Variants in EBF1 observed in about 807,000 individuals in gnomAD.
EBF1 encodes EBF transcription factor 1.
In EBF1, 10 loss-of-function variants were observed where a neutral mutation model predicts 68.4. That is an observed-to-expected ratio of 0.15 (90% CI 0.09 to 0.25). The LOEUF (loss-of-function observed/expected upper bound fraction) is 0.25. Among genes scored for constraint, EBF1 ranks in the 10% least tolerant of loss-of-function variants. EBF1 has a pLI of 1.00. For missense variants in EBF1, 509 were observed against 794.4 expected, an observed-to-expected ratio of 0.64 and a Z score of 4.32; for synonymous variants, 298 against 299.8, an observed-to-expected ratio of 0.99 and a Z score of 0.06.
intron 13 of EBF1, 35 bp from the exon 14 acceptor site, chr5:158,712,368 G>T (rs1759578008): frequency 6.2e-7 from 1 of 1,606,950 alleles, no homozygotes; most frequent in Non-Finnish European, 8.5e-7. Context: ...GGTGAGGGTG[G>T]CATTCAGATG....
chr5:158,899,122 A>G (rs888622037), intron 6 of EBF1, among the ~76,000 whole-genome samples: 3 of 152,248 alleles, frequency 2.0e-5, no homozygotes, highest in South Asian at 4.1e-4. Context: ...AAAATTACAT[A>G]TTAAACTATT....
intron 10 of EBF1, among the ~76,000 whole-genome samples, chr5:158,767,449 T>A (rs934232968): frequency 6.6e-6 from 1 of 152,150 alleles, no homozygotes; most frequent in Non-Finnish European, 1.5e-5. Flanking sequence ...CAAGGTAAAG[T>A]AGCATGCCAG....
At chr5:158,727,573 T>C (rs1581372445) in intron 11 of EBF1, among the ~76,000 whole-genome samples, 1 of 152,330 alleles carries the variant, frequency 6.6e-6, no homozygotes, top group East Asian at 1.9e-4. Flanking sequence ...AATGCTGTGA[T>C]TTAAAAACCT....
At chr5:158,878,850 G>C (rs1010796436) in intron 6 of EBF1, among the ~76,000 whole-genome samples, 1 of 151,968 alleles carries the variant, frequency 6.6e-6, no homozygotes, top group Non-Finnish European at 1.5e-5. Context: ...CACCATGTTG[G>C]CCAGGGTGGT....
chr5:158,868,501 A>T (rs541135271), intron 6 of EBF1, among the ~76,000 whole-genome samples: 1 of 152,160 alleles, frequency 6.6e-6, no homozygotes, highest in South Asian at 2.1e-4. Context: ...GTGAATGTCT[A>T]GTTCAAGGAC....
At chr5:158,926,758 AAG>A (rs1809797585) in intron 6 of EBF1, among the ~76,000 whole-genome samples, 1 of 152,014 alleles carries the variant, frequency 6.6e-6, no homozygotes, top group African/African-American at 2.4e-5. Context: ...AAAAAAGAAA[AAG>A]AAAGAAAGAA....
rs186958615 is a variant in EBF1 at position 158,891,113 on chromosome 5, G to T, written c.555-51003C>A. 2.1e-3 allele frequency among the ~76,000 whole-genome samples: 313 copies of T among 152,282 alleles called. 3 individuals are homozygous for T. Among genetic ancestry groups the T allele is most frequent in the African/African-American group, 7.3e-3 (303 of 41,552 alleles). On this transcript the variant is annotated intron_variant, in intron 6 of 15. Coordinates refer to ENST00000313708, the MANE Select transcript of EBF1 (RefSeq NM_024007.5). ...GGTATTGAAGTTCACGATTTCCCAC[G>T]GTACATAATTTAGTTTTGTGTGTGT...
At chr5:158,831,301 G>A (rs1396689511) in intron 7 of EBF1, among the ~76,000 whole-genome samples, 6 of 152,172 alleles carry the variant, frequency 3.9e-5, no homozygotes. Context: ...TCCAGAGTCA[G>A]ATGATCCTGA....
At chr5:158,714,581 C>G (rs1196526352) in intron 11 of EBF1, among the ~76,000 whole-genome samples, 1 of 152,150 alleles carries the variant, frequency 6.6e-6, no homozygotes, top group Admixed American at 6.5e-5. Flanking sequence ...ATGACCTTAT[C>G]AGACAGGTCA....
chr5:158,795,835 CT>C (rs1779524224), intron 9 of EBF1, among the ~76,000 whole-genome samples: 2 of 152,224 alleles, frequency 1.3e-5, no homozygotes, highest in South Asian at 4.2e-4. Flanking sequence ...AGAAAAAGCC[CT>C]TTGTGGTTCT....
At chr5:158,780,187 T>G (rs1776154772) in intron 9 of EBF1, among the ~76,000 whole-genome samples, 1 of 152,232 alleles carries the variant, frequency 6.6e-6, no homozygotes, top group Non-Finnish European at 1.5e-5. Flanking sequence ...AGTGATAGTT[T>G]AAAGCTAATC....
chr5:158,941,532 A>G (rs1411225219), intron 6 of EBF1, among the ~76,000 whole-genome samples: 1 of 152,156 alleles, frequency 6.6e-6, no homozygotes, highest in East Asian at 1.9e-4. Flanking sequence ...TCCAAACTTA[A>G]CTGCTTCTTC....
intron 10 of EBF1, among the ~76,000 whole-genome samples, chr5:158,768,678 T>C (rs1441296844): frequency 9.2e-5 from 14 of 152,126 alleles, no homozygotes; most frequent in Non-Finnish European, 1.5e-5. Flanking sequence ...AGGACTGGCA[T>C]CCACATCACT....
At chr5:158,843,440 C>T (rs1178346138) in intron 6 of EBF1, among the ~76,000 whole-genome samples, 2 of 152,198 alleles carry the variant, frequency 1.3e-5, no homozygotes, top group East Asian at 1.9e-4. Context: ...TGTCAGCAGC[C>T]CATCGTTAGC....
intron 10 of EBF1, among the ~76,000 whole-genome samples, chr5:158,738,578 T>C (rs1361893927): frequency 6.6e-6 from 1 of 152,214 alleles, no homozygotes; most frequent in Admixed American, 6.5e-5. Flanking sequence ...AAGACTCTTT[T>C]TCCAGTAATA....
intron 4 of EBF1, among the ~76,000 whole-genome samples, chr5:159,087,369 CACACATATATAT>C (rs1243776995): frequency 3.6e-5 from 5 of 138,562 alleles, no homozygotes; most frequent in African/African-American, 2.7e-5. Context: ...TATATATATA[CACACATATATAT>C]ACACATATAT....
chr5:158,991,739 A>T (rs1293750927), intron 6 of EBF1, among the ~76,000 whole-genome samples: 1 of 152,222 alleles, frequency 6.6e-6, no homozygotes, highest in Admixed American at 6.5e-5. Flanking sequence ...ATGTTCTTGG[A>T]GGAAATGCAC....
At chr5:158,857,313 C>T (rs1011993737) in intron 6 of EBF1, among the ~76,000 whole-genome samples, 7 of 151,960 alleles carry the variant, frequency 4.6e-5, no homozygotes, top group Admixed American at 4.6e-4. Flanking sequence ...GGGACACTCC[C>T]CTGGCTGTCC....
chr5:159,073,467 A>G lies in EBF1; in HGVS notation c.486-3T>C. The G allele has an allele frequency of 3.1e-6, 5 of 1,614,094 alleles. No homozygotes were observed. The highest frequency in any genetic ancestry group is 4.2e-6 in the Non-Finnish European group (5 of 1,179,942). ...AGCTTTTCTTGTCACAACAGCGGCT[A>G]TGGAGCAAAAGCGAAAGGATTTAGT... On this transcript the variant is annotated splice_region_variant and splice_polypyrimidine_tract_variant and intron_variant, in intron 5 of 15. Transcript: ENST00000313708.
Sources: allele counts gnomAD v4.1 joint callset (sites outside exome capture counted in the v4.1 genomes callset), GRCh38; gene constraint gnomAD v4.1.1; transcripts MANE v1.5; gene names NCBI Gene and HGNC (gene_info 2026-07-23, HGNC 2026-07-21).